The following ATE1 variants were observed in gnomAD, a reference collection of about 807,000 sequenced individuals.
ATE1 encodes arginyltransferase 1.
ATE1 carries 36 observed loss-of-function variants against 70.5 expected under a neutral mutation model. That is an observed-to-expected ratio of 0.51 (90% CI 0.39 to 0.67). The LOEUF (loss-of-function observed/expected upper bound fraction) is 0.67, where lower values mean the gene tolerates loss of function less well. ATE1 is among the 30% of genes least tolerant of loss of function. The pLI is 0.00. For missense variants in ATE1, 593 were observed against 629.5 expected, an observed-to-expected ratio of 0.94 and a Z score of 0.62; for synonymous variants, 232 against 219.3, an observed-to-expected ratio of 1.06 and a Z score of -0.51.
intron 11 of ATE1, among the ~76,000 whole-genome samples, chr10:121,783,505 C>T (rs962718987): frequency 3.3e-5 from 5 of 149,400 alleles, no homozygotes; most frequent in Admixed American, 1.4e-4. Context: ...ATCTTCCAAC[C>T]GATGGAGTCA....
At chr10:121,837,153 C>CT (rs1400732546) in intron 9 of ATE1, among the ~76,000 whole-genome samples, 1 of 152,150 alleles carries the variant, frequency 6.6e-6, no homozygotes, top group Non-Finnish European at 1.5e-5. Context: ...AGAATCTGGG[C>CT]TTAACAGGTT....
chr10:121,922,517 G>A (rs1951922276), intron 2 of ATE1, 106 bp from the exon 3 acceptor site: 3 of 691,690 alleles, frequency 4.3e-6, no homozygotes, highest in East Asian at 2.8e-5. Context: ...AATCAACATT[G>A]TAGAAATGCA....
rs74512463 is a variant in ATE1 at position 121,913,744 on chromosome 10, T to C, written c.337+46A>G. ...CCCAAGATGACTGAAAGTGGGACCG[T>C]TGCAAAGACAGATAGTAAATCGTTT... On this transcript the variant is annotated intron_variant, in intron 4 of 11. Coordinates refer to ENST00000224652, the MANE Select transcript of ATE1 (RefSeq NM_001001976.3). 1.7e-3 allele frequency: 2,290 copies of C among 1,362,852 alleles called. 41 individuals are homozygous for C. The African/African-American group carries it at 0.029, about 17-fold the overall frequency. The allele number at this position is 1,362,852 out of a possible 1,614,324, so 84.4% of individuals were successfully genotyped here. A position where few individuals can be genotyped will look rare whatever the true frequency, so the allele number is the denominator to read the frequency against.
At chr10:121,878,112 T>A (rs7924047) in intron 7 of ATE1, among the ~76,000 whole-genome samples, 136,825 of 152,226 alleles carry the variant, frequency 0.9, 61,646 homozygotes, top group Middle Eastern at 0.96. Flanking sequence ...AAAAGAAGAC[T>A]GGAGAGTGTA....
chr10:121,753,591 T>C (rs1944674561), intron 11 of ATE1, among the ~76,000 whole-genome samples: 1 of 152,182 alleles, frequency 6.6e-6, no homozygotes, highest in Non-Finnish European at 1.5e-5. Flanking sequence ...ACATCAACTT[T>C]ATCACCTCAG....
At chr10:121,836,878 C>A in intron 9 of ATE1, 61 bp from the exon 10 acceptor site, 1 of 1,026,534 alleles carries the variant, frequency 9.7e-7, no homozygotes, top group Admixed American at 2.3e-5. Flanking sequence ...GTACAAATAT[C>A]TGTGTAATTT....
intron 11 of ATE1, chr10:121,782,362 G>A (rs1946028423): frequency 6.6e-6 from 1 of 152,202 alleles, no homozygotes; most frequent in Non-Finnish European, 1.5e-5. Context: ...TCAATCAAAT[G>A]TGGAAATTTT....
rs1948615456 is a variant in ATE1 at position 121,841,167 on chromosome 10, T to C, written c.1072A>G (p.Ile358Val). The change falls in exon 9 of 12, where the codon ATC becomes GTC. Residue 358 changes from isoleucine (I) to valine (V), a missense_variant. Coordinates refer to ENST00000224652, the MANE Select transcript of ATE1 (RefSeq NM_001001976.3). ...GKIIAVGVID[I>V]LPNCVSSVYL... ...ACAGATGATACACAGTTTGGGAGGA[T>C]GTCAATCACCCCCACAGCAATGATC... The C allele has an allele frequency of 1.9e-6, 3 of 1,602,550 alleles. No individual in the cohort carries two copies. Among genetic ancestry groups the C allele is most frequent in the East Asian group, 2.2e-5 (1 of 44,672 alleles).
At chr10:121,754,239 T>C (rs995010940) in intron 11 of ATE1, among the ~76,000 whole-genome samples, 1 of 152,226 alleles carries the variant, frequency 6.6e-6, no homozygotes, top group Non-Finnish European at 1.5e-5. Context: ...AGCATACTTA[T>C]TACTCACATC....
chr10:121,752,067 G>C (rs1590209520), intron 11 of ATE1, among the ~76,000 whole-genome samples: 2 of 151,054 alleles, frequency 1.3e-5, no homozygotes, highest in Admixed American at 1.3e-4. Context: ...CACGGTGGCG[G>C]CCGCCTGTAG....
intron 7 of ATE1, among the ~76,000 whole-genome samples, chr10:121,881,955 G>A (rs1027335695): frequency 6.6e-6 from 1 of 151,866 alleles, no homozygotes; most frequent in African/African-American, 2.4e-5. Flanking sequence ...CGCCAAACCC[G>A]GCTAATTTCT....
chr10:121,919,744 A>G (rs2134565281), intron 3 of ATE1, among the ~76,000 whole-genome samples: 1 of 152,232 alleles, frequency 6.6e-6, no homozygotes, highest in African/African-American at 2.4e-5. Context: ...CTAAAAACAC[A>G]AAAATTAACC....
At chr10:121,808,005 T>C (rs975120099) in intron 10 of ATE1, among the ~76,000 whole-genome samples, 1 of 152,114 alleles carries the variant, frequency 6.6e-6, no homozygotes, top group African/African-American at 2.4e-5. Context: ...TAAAAAAATG[T>C]AATTGCCAGA....
chr10:121,912,658 T>C (rs1017119995), intron 4 of ATE1, among the ~76,000 whole-genome samples: 8 of 150,300 alleles, frequency 5.3e-5, no homozygotes, highest in Non-Finnish European at 3.0e-5. Flanking sequence ...TCTCCAAAAA[T>C]AAAAGAAAGG....
chr10:121,829,221 G>A (rs1473018713), intron 10 of ATE1, among the ~76,000 whole-genome samples: 1 of 151,940 alleles, frequency 6.6e-6, no homozygotes, highest in African/African-American at 2.4e-5. Flanking sequence ...TCAAGAGATC[G>A]AGACCATCCT....
chr10:121,745,331 A>G (rs968078639), intron 11 of ATE1, among the ~76,000 whole-genome samples: 1 of 152,156 alleles, frequency 6.6e-6, no homozygotes, highest in African/African-American at 2.4e-5. Flanking sequence ...GAAAAATACC[A>G]AAGCCTGGAT....
At chr10:121,857,989 A>G (rs1949310135) in intron 8 of ATE1, among the ~76,000 whole-genome samples, 1 of 152,174 alleles carries the variant, frequency 6.6e-6, no homozygotes, top group African/African-American at 2.4e-5. Context: ...TAATATTGTA[A>G]AGGTTCATTC....
At chr10:121,847,343 G>C (rs572296848) in intron 8 of ATE1, among the ~76,000 whole-genome samples, 1 of 152,108 alleles carries the variant, frequency 6.6e-6, no homozygotes, top group Non-Finnish European at 1.5e-5. Flanking sequence ...AGTTACTCAG[G>C]AGGCTGATGC....
intron 1 of ATE1, among the ~76,000 whole-genome samples, chr10:121,925,340 A>C (rs892945800): frequency 6.6e-6 from 1 of 151,166 alleles, no homozygotes; most frequent in Non-Finnish European, 1.5e-5. Context: ...GAATCGCTTG[A>C]ACCCAGGAGG....
Sources: allele counts gnomAD v4.1 joint callset (sites outside exome capture counted in the v4.1 genomes callset), GRCh38; gene constraint gnomAD v4.1.1; transcripts MANE v1.5; gene names NCBI Gene and HGNC (gene_info 2026-07-23, HGNC 2026-07-21).